The following MAP2K7 variants were observed in gnomAD, a reference collection of about 807,000 sequenced individuals.
MAP2K7 encodes the protein dual specificity mitogen-activated protein kinase kinase 7.
In MAP2K7, 12 loss-of-function variants were observed where a neutral mutation model predicts 47.7. The ratio of observed to expected loss-of-function variants is 0.25; its 90% CI spans 0.16 to 0.41. MAP2K7 has a LOEUF of 0.41. Ranked by LOEUF, MAP2K7 falls within the 10% of genes least tolerant of loss-of-function variation. MAP2K7 has a pLI of 1.00. For missense variants in MAP2K7, 415 were observed against 600.3 expected (o/e 0.69, Z 3.23); for synonymous variants, 299 against 243.0 (o/e 1.23, Z -2.14).
Position 7,911,453 on chromosome 19 carries a change from A to G in MAP2K7, c.954A>G (p.Gly318=). The G allele has an allele frequency of 6.2e-7, 1 of 1,613,486 alleles. No homozygotes were observed. ...LGISLVELAT[G]QFPYKNCKTD... is the part of the protein sequence containing the mutation. ...CCTCCCAGGTGGAGCTGGCAACAGGACAGTTTCCCTACAAGAACTGCAAGA... is the reference window on the plus strand; with the variant it reads ...CCTCCCAGGTGGAGCTGGCAACAGGGCAGTTTCCCTACAAGAACTGCAAGA... The change falls in exon 9 of 11, where the codon GGA becomes GGG. Residue 318 remains glycine (G), a synonymous_variant. Transcript: ENST00000397979.
In MAP2K7 at chr19:7,912,194, T is replaced by C; in HGVS notation, c.1125T>C (p.Leu375=). Residue 375 remains leucine (L), a splice_region_variant and synonymous_variant, in exon 10 of 11, where the codon CTT becomes CTC. Coordinates refer to ENST00000397979, the MANE Select transcript of MAP2K7 (RefSeq NM_145185.4). ...HRKRPKYNKL[L]EHSFIKRYET... is the part of the protein sequence containing the mutation. ...AGAGACCAAAGTATAATAAGCTACT[T>C]GTGAGTACCTGAGCCCTCCCAGTCC... 6.2e-7 allele frequency: 1 copy of C among 1,613,972 alleles called. No individual in the cohort carries two copies. Among genetic ancestry groups the C allele is most frequent in the East Asian group, 2.2e-5 (1 of 44,868 alleles).
At chr19:7,904,523 G>T in intron 1 of MAP2K7, 1 of 273,736 alleles carries the variant, frequency 3.7e-6, no homozygotes, top group Non-Finnish European at 7.5e-6. Flanking sequence ...ACGCACACGC[G>T]CACGCCTGGC....
chr19:7,914,202 C>G lies in MAP2K7; in HGVS notation c.*1771C>G, dbSNP rs2145151079. On this transcript the variant is annotated 3_prime_UTR_variant, in exon 11 of 11. Coordinates refer to ENST00000397979, the MANE Select transcript of MAP2K7 (RefSeq NM_145185.4). Reference sequence around the variant, plus strand: ...TTTCTGTTTTATGAGTGTGTGTCCGCCCACCCCCACCCCCTTCAGTGTTAA... The same window carrying G: ...TTTCTGTTTTATGAGTGTGTGTCCGGCCACCCCCACCCCCTTCAGTGTTAA... 3 of 152,504 alleles carry G rather than the reference C, an allele frequency of 2.0e-5. No individual in the cohort carries two copies. Among genetic ancestry groups the G allele is most frequent in the Middle Eastern group, 6.8e-3 (2 of 294 alleles). The allele number at this position is 152,504 out of a possible 1,614,324, so 9.4% of individuals were successfully genotyped here. A position where few individuals can be genotyped will look rare whatever the true frequency, so the allele number is the denominator to read the frequency against.
rs557240660 is a variant in MAP2K7, at chr19:7,910,125, G to A, written c.329G>A (p.Gly110Asp). 6.2e-7 allele frequency: 1 copy of A among 1,606,240 alleles called. No individual in the cohort carries two copies. Among genetic ancestry groups the A allele is most frequent in the African/African-American group, 1.3e-5 (1 of 74,718 alleles). Residue 110 changes from glycine (G) to aspartate (D), a missense_variant, in exon 3 of 11, where the codon GGC (glycine) becomes GAC (aspartate). Gly to Asp is a moderately conservative substitution (Grantham distance 94, BLOSUM62 -1). Transcript: ENST00000397979. ...MKQTGYLTIG[G>D]QRYQAEINDL... ...CAGACGGGCTACCTGACCATCGGGG[G>A]CCAGGTACCACCTTCACTGTGGCGG... is the stretch of plus-strand genomic sequence containing the variant.
At chr19:7,909,945 C>T (rs1982711813) in intron 2 of MAP2K7, 49 bp downstream of exon 2, 1 of 1,501,544 alleles carries the variant, frequency 6.7e-7, no homozygotes. Flanking sequence ...ATTGAGGGGC[C>T]ACCGTGCCAG....
chr19:7,907,258 C>T (rs973331798), intron 1 of MAP2K7, among the ~76,000 whole-genome samples: 1 of 152,100 alleles, frequency 6.6e-6, no homozygotes, highest in Non-Finnish European at 1.5e-5. Context: ...CTGTGCCCCA[C>T]GCCTGTGTTG....
At chr19:7,904,384 A>G (rs1042858787) in intron 1 of MAP2K7, 2 of 292,930 alleles carry the variant, frequency 6.8e-6, no homozygotes, top group Non-Finnish European at 1.4e-5. Flanking sequence ...CAGTGACCAC[A>G]TCCAGGTCGC....
intron 1 of MAP2K7, among the ~76,000 whole-genome samples, chr19:7,907,798 G>T (rs975458395): frequency 4.6e-5 from 7 of 152,024 alleles, no homozygotes; most frequent in African/African-American, 1.7e-4. Flanking sequence ...GCGGGACTCG[G>T]ATACTCTCTG....
chr19:7,912,898 C>T lies in MAP2K7; in HGVS notation c.*467C>T, dbSNP rs762628658. The T allele has an allele frequency of 5.5e-5, 10 of 182,744 alleles. No homozygotes were observed. The highest frequency in any genetic ancestry group is 9.3e-5 in the Non-Finnish European group (8 of 85,630). The allele number at this position is 182,744 out of a possible 1,614,324, so 11.3% of individuals were successfully genotyped here. On this transcript the variant is annotated 3_prime_UTR_variant, in exon 11 of 11. Coordinates refer to ENST00000397979, the MANE Select transcript of MAP2K7 (RefSeq NM_145185.4). The stretch of plus-strand genomic sequence containing the variant: ...CTCCCGTCACCCTCCCTGCCTCTGT[C>T]TCTCTTCTGGCCTGAGCCTGGGCCC...
chr19:7,914,086 C>A lies in MAP2K7; in HGVS notation c.*1655C>A, dbSNP rs1983131446. The A allele has an allele frequency of 6.6e-6, 1 of 152,266 alleles. No homozygotes were observed. Among genetic ancestry groups the A allele is most frequent in the Non-Finnish European group, 1.5e-5 (1 of 68,056 alleles). 9.4% of individuals were successfully genotyped at this position (152,266 alleles called of 1,614,324 possible). ...CTCCCCTGCATCCAGCCATGGGGGC[C>A]TCTGCGATTGCCGGAAGGTTGCATG... On this transcript the variant is annotated 3_prime_UTR_variant, in exon 11 of 11. Transcript: ENST00000397979.
At position 7,903,961 on chromosome 19, in the gene MAP2K7, T is replaced by A; in HGVS notation, c.17T>A (p.Leu6Gln). Reference sequence around the variant, plus strand: ...GCGGGGAAGATGGCGGCGTCCTCCCTGGAACAGAAGCTGTCCCGCCTGGAA... The same window carrying A: ...GCGGGGAAGATGGCGGCGTCCTCCCAGGAACAGAAGCTGTCCCGCCTGGAA... MAASSLEQKLSRLEAK... is the reference protein window; with the variant it reads MAASSQEQKLSRLEAK... Residue 6 changes from leucine to glutamine, a missense_variant, in exon 1 of 11, where the codon CTG (leucine) becomes CAG (glutamine). Physicochemically the swap from Leu to Gln is moderately radical, Grantham distance 113. Coordinates refer to ENST00000397979, the MANE Select transcript of MAP2K7 (RefSeq NM_145185.4). 1 of 1,547,492 alleles carries A rather than the reference T, an allele frequency of 6.5e-7. No homozygotes were observed. Among genetic ancestry groups the A allele is most frequent in the Admixed American group, 1.9e-5 (1 of 53,748 alleles).
At chr19:7,912,103 C>G (rs1415220762) in intron 9 of MAP2K7, 46 bp from the exon 10 acceptor site, 2 of 1,589,780 alleles carry the variant, frequency 1.3e-6, no homozygotes, top group Admixed American at 3.3e-5. Flanking sequence ...GGCCGGCATC[C>G]CCTCCTCCCT....
At position 7,911,099 on chromosome 19, in the gene MAP2K7, C is replaced by T. The variant is rs372642511; in HGVS notation, c.795C>T (p.Ser265=). 2.2e-4 allele frequency: 347 copies of T among 1,612,396 alleles called. 2 individuals are homozygous for T. In the East Asian group the frequency reaches 2.4e-3, roughly 11 times the overall value. The change falls in exon 7 of 11, where the codon AGC becomes AGT. Residue 265 remains serine, a synonymous_variant. Coordinates refer to ENST00000397979, the MANE Select transcript of MAP2K7 (RefSeq NM_145185.4). ...GQIKLCDFGI[S]GRLVDSKAKT... ...TCAAGCTCTGCGACTTCGGCATCAG[C>T]GGCCGCCTGGTGGACTCCAAAGCCA... is the stretch of plus-strand genomic sequence containing the variant.
Position 7,903,878 on chromosome 19 carries a change from G to A in MAP2K7, c.-67G>A. ...ACGGGGTCATCCGGGCGCAGGCGCA[G>A]TGCGGTGTTTGTCTGCCGGACTGAC... On this transcript the variant is annotated 5_prime_UTR_variant, in exon 1 of 11. In the 5' UTR this introduces an upstream ATG that the reference lacks. Coordinates refer to ENST00000397979, the MANE Select transcript of MAP2K7 (RefSeq NM_145185.4). 1 of 1,268,800 alleles carries A rather than the reference G, an allele frequency of 7.9e-7. No individual in the cohort carries two copies. Among genetic ancestry groups the A allele is most frequent in the Non-Finnish European group, 1.0e-6 (1 of 958,366 alleles). The allele number at this position is 1,268,800 out of a possible 1,614,324, so 78.6% of individuals were successfully genotyped here.
intron 3 of MAP2K7, 45 bp downstream of exon 3, chr19:7,910,174 G>A: frequency 1.3e-6 from 2 of 1,594,922 alleles, no homozygotes; most frequent in Non-Finnish European, 8.5e-7. Flanking sequence ...GCCCAGCCAG[G>A]CTGGACCCAT....
At chr19:7,910,954 A>G (rs368658006) in intron 6 of MAP2K7, 26 bp from the exon 7 acceptor site, 7 of 1,599,834 alleles carry the variant, frequency 4.4e-6, no homozygotes, top group Non-Finnish European at 6.0e-6. Flanking sequence ...CCCCTGCCAC[A>G]TGCACCCCCC....
chr19:7,912,234 CGGA>C (rs1568280220), intron 10 of MAP2K7, 40 bp downstream of exon 10: 1 of 1,613,512 alleles, frequency 6.2e-7, no homozygotes, highest in Non-Finnish European at 8.5e-7. Context: ...CCTGTCCCTG[CGGA>C]GGCGCGAGGC....
chr19:7,906,332 C>T (rs113503702), intron 1 of MAP2K7: 2,535 of 157,666 alleles, frequency 0.016, 60 homozygotes, highest in African/African-American at 0.057. Flanking sequence ...TCCTCTGTAG[C>T]GGGGGGCTGC....
At chr19:7,906,905 C>CAGCTACTCGGGAGGCTGTAATCCT (rs1238290809) in intron 1 of MAP2K7, 2 of 152,230 alleles carry the variant, frequency 1.3e-5, no homozygotes, top group African/African-American at 4.8e-5. Context: ...CCTGTAATCC[C>CAGCTACTCGGGAGGCTGTAATCCT]AGCTACTCGG....
Sources: gnomAD v4.1 joint callset for allele counts (sites outside exome capture counted in the v4.1 genomes callset) on GRCh38, gnomAD v4.1.1 for gene constraint, MANE v1.5 for transcripts, NCBI Gene and HGNC (gene_info 2026-07-23, HGNC 2026-07-21) for gene names.